Variants in ARB2A observed in about 807,000 individuals in gnomAD.
ARB2A encodes ARB2 cotranscriptional regulator A.
At chr5:93,796,259 C>T in the ARB2A span, among the ~76,000 whole-genome samples, 1 of 152,162 alleles carries the variant, frequency 6.6e-6, no homozygotes, top group Non-Finnish European at 1.5e-5. Flanking sequence ...GTTTTATGCC[C>T]TCAAATGTTT....
the ARB2A span, chr5:94,053,024 ATC>A: frequency 1.2e-5 from 6 of 504,512 alleles, no homozygotes; most frequent in East Asian, 2.1e-4. Context: ...AGCAAATAAT[ATC>A]TGTCTTATTA....
At chr5:93,620,690 C>T in the ARB2A span, 1 of 270,902 alleles carries the variant, frequency 3.7e-6, no homozygotes, top group Non-Finnish European at 6.9e-6. Flanking sequence ...TCCTTCAGGG[C>T]AATTAGAGCT....
chr5:94,026,161 T>C, the ARB2A span, among the ~76,000 whole-genome samples: 1 of 152,104 alleles, frequency 6.6e-6, no homozygotes, highest in African/African-American at 2.4e-5. Flanking sequence ...TTTTCAGTCC[T>C]ACCGTCTGCA....
chr5:94,063,075 C>T, the ARB2A span, among the ~76,000 whole-genome samples: 145 of 152,274 alleles, frequency 9.5e-4, 3 homozygotes, highest in Admixed American at 8.5e-3. Context: ...CAGTCACTGC[C>T]GCCCATACTT....
the ARB2A span, among the ~76,000 whole-genome samples, chr5:93,698,958 G>C: frequency 6.6e-6 from 1 of 152,142 alleles, no homozygotes; most frequent in South Asian, 2.1e-4. Context: ...TAGAATTTCA[G>C]AGATAAAACT....
chr5:94,090,788 GT>G, the ARB2A span, among the ~76,000 whole-genome samples: 5 of 152,144 alleles, frequency 3.3e-5, no homozygotes, highest in Non-Finnish European at 5.9e-5. Context: ...ATAACATGTG[GT>G]TTTTGTCATT....
At chr5:93,644,369 A>G in the ARB2A span, among the ~76,000 whole-genome samples, 1 of 152,184 alleles carries the variant, frequency 6.6e-6, no homozygotes. Flanking sequence ...TTTAGAAGCC[A>G]TTTTGGTGCA....
At chr5:93,998,149 G>A in the ARB2A span, among the ~76,000 whole-genome samples, 6 of 151,926 alleles carry the variant, frequency 3.9e-5, no homozygotes, top group African/African-American at 4.8e-5. Flanking sequence ...AATAAAGAGC[G>A]TAATGAGAAG....
the ARB2A span, chr5:93,804,831 TTTGA>T: frequency 3.0e-6 from 2 of 662,734 alleles, no homozygotes; most frequent in Non-Finnish European, 3.7e-6. Flanking sequence ...TGTTTAATTT[TTTGA>T]TTATTTTGAA....
At chr5:93,939,016 T>G in the ARB2A span, among the ~76,000 whole-genome samples, 3 of 152,216 alleles carry the variant, frequency 2.0e-5, no homozygotes, top group African/African-American at 7.2e-5. Flanking sequence ...TTAAAAATAT[T>G]CTTGGCATCT....
the ARB2A span, among the ~76,000 whole-genome samples, chr5:93,650,842 AT>A: frequency 1.3e-5 from 2 of 151,318 alleles, no homozygotes; most frequent in South Asian, 4.2e-4. Flanking sequence ...AAAAAAAAAA[AT>A]TATCCAGGCA....
At chr5:93,645,660 T>G in the ARB2A span, among the ~76,000 whole-genome samples, 2 of 151,808 alleles carry the variant, frequency 1.3e-5, no homozygotes, top group Non-Finnish European at 2.9e-5. Context: ...CCCAAGACAC[T>G]AAAGTGTAGT....
At chr5:94,055,846 G>A in the ARB2A span, 1 of 985,408 alleles carries the variant, frequency 1.0e-6, no homozygotes, top group Non-Finnish European at 1.2e-6. Context: ...CATCGAAACT[G>A]TCCATACATA....
At chr5:93,976,002 G>A in the ARB2A span, among the ~76,000 whole-genome samples, 1 of 152,254 alleles carries the variant, frequency 6.6e-6, no homozygotes, top group East Asian at 1.9e-4. Flanking sequence ...CAAAATATTA[G>A]CAAATCGAAT....
the ARB2A span, chr5:93,865,431 T>A: frequency 1.0e-6 from 1 of 985,400 alleles, no homozygotes; most frequent in Middle Eastern, 5.2e-4. Context: ...TTCTTCTCCT[T>A]TTATCTTTAA....
chr5:93,708,315 ATG>A, the ARB2A span, among the ~76,000 whole-genome samples: 9 of 152,156 alleles, frequency 5.9e-5, no homozygotes, highest in African/African-American at 1.9e-4. Flanking sequence ...GGAAGGCGAC[ATG>A]TTTTCTATTT....
the ARB2A span, among the ~76,000 whole-genome samples, chr5:93,917,506 A>G: frequency 1.8e-4 from 28 of 152,140 alleles, no homozygotes; most frequent in African/African-American, 6.5e-4. Flanking sequence ...TCAATCATCA[A>G]ATGTTTGCAT....
chr5:93,962,658 C>T, the ARB2A span, among the ~76,000 whole-genome samples: 1 of 152,108 alleles, frequency 6.6e-6, no homozygotes, highest in East Asian at 1.9e-4. Context: ...AAGCTAATAG[C>T]TATTGAAAAA....
chr5:93,826,044 C>T, the ARB2A span, among the ~76,000 whole-genome samples: 1 of 151,786 alleles, frequency 6.6e-6, no homozygotes, highest in Non-Finnish European at 1.5e-5. Flanking sequence ...CTTGCTAAAC[C>T]CAAATAAATG....
Sources: allele counts gnomAD v4.1 joint callset (sites outside exome capture counted in the v4.1 genomes callset), GRCh38; gene constraint gnomAD v4.1.1; transcripts MANE v1.5; gene names NCBI Gene and HGNC (gene_info 2026-07-23, HGNC 2026-07-21).